SLC38A1: variants seen among roughly 807,000 people sequenced by gnomAD.
SLC38A1 encodes solute carrier family 38 member 1.
A neutral mutation model predicts 60.3 loss-of-function variants in SLC38A1; 18 were observed. That is an observed-to-expected ratio of 0.30 (90% confidence interval 0.21 to 0.44). SLC38A1 has a LOEUF of 0.44. Ranked by LOEUF, SLC38A1 falls within the 20% of genes least tolerant of loss-of-function variation. SLC38A1 has a pLI of 1.00. For missense variants in SLC38A1, 448 were observed against 587.2 expected (o/e 0.76, Z 2.45); for synonymous variants, 196 against 212.1 (o/e 0.92, Z 0.66).
intron 1 of SLC38A1, among the ~76,000 whole-genome samples, chr12:46,250,634 G>T (rs1392018993): frequency 6.6e-6 from 1 of 152,132 alleles, no homozygotes; most frequent in Non-Finnish European, 1.5e-5. Context: ...AGCAACTTCA[G>T]CAAAGTATCA....
chr12:46,260,441 T>C (rs1942162265), intron 1 of SLC38A1, among the ~76,000 whole-genome samples: 1 of 152,240 alleles, frequency 6.6e-6, no homozygotes. Flanking sequence ...TACAACTTGA[T>C]CATGATCATG....
At chr12:46,252,296 T>C (rs1021300368) in intron 1 of SLC38A1, among the ~76,000 whole-genome samples, 1 of 151,966 alleles carries the variant, frequency 6.6e-6, no homozygotes, top group African/African-American at 2.4e-5. Context: ...ATGAGAACAG[T>C]TGGACACAGG....
intron 1 of SLC38A1, among the ~76,000 whole-genome samples, chr12:46,249,536 A>G (rs1174006659): frequency 2.0e-5 from 3 of 152,226 alleles, no homozygotes; most frequent in Admixed American, 6.5e-5. Flanking sequence ...CAAAAAATCA[A>G]TGAATCCTGG....
At chr12:46,242,746 G>A (rs545866889) in intron 2 of SLC38A1, among the ~76,000 whole-genome samples, 2 of 152,316 alleles carry the variant, frequency 1.3e-5, no homozygotes, top group South Asian at 2.1e-4. Flanking sequence ...AAGCTCCACT[G>A]AAATGTGATC....
Position 46,185,185 on chromosome 12 carries a change from C to T in SLC38A1, c.*3785G>A, listed in dbSNP as rs1938892814. 6.6e-6 allele frequency: 1 copy of T among 152,268 alleles called. No individual in the cohort carries two copies. The highest frequency in any genetic ancestry group is 1.5e-5 in the Non-Finnish European group (1 of 68,102). 9.4% of individuals were successfully genotyped at this position (152,268 alleles called of 1,614,324 possible). A position where few individuals can be genotyped will look rare whatever the true frequency, so the allele number is the denominator to read the frequency against. ...TGAGTCCCTCCCTGAGAGCTTCTGA[C>T]TTCACCATGTCTGGGAGGGGGCTGA... On this transcript the variant is annotated 3_prime_UTR_variant, in exon 17 of 17. Coordinates refer to ENST00000398637, the MANE Select transcript of SLC38A1 (RefSeq NM_030674.4).
chr12:46,198,742 G>T lies in SLC38A1; in HGVS notation c.1005C>A (p.Asp335Glu). 6.3e-7 allele frequency: 1 copy of T among 1,591,332 alleles called. No homozygotes were observed. The highest frequency in any genetic ancestry group is 1.7e-4 in the Middle Eastern group (1 of 5,990). Reference sequence around the variant, plus strand: ...TGTGAAGGAGGTCGGACTGCACGTTGTCTAAAATGAGGGAAAAGCAAGAGG... The same window carrying T: ...TGTGAAGGAGGTCGGACTGCACGTTTTCTAAAATGAGGGAAAAGCAAGAGG... Reference protein sequence around the residue: ...TAIFGYLTFYDNVQSDLLHKY... With the variant: ...TAIFGYLTFYENVQSDLLHKY... The change falls in exon 14 of 17, where the codon GAC (aspartate) becomes GAA (glutamate). Residue 335 changes from aspartate to glutamate, a missense_variant and splice_region_variant. By Grantham distance (45) the Asp-to-Glu change is conservative. Around this residue, in one of 2 missense-constraint regions of SLC38A1, gnomAD observed 346 missense variants for 497.5 expected, o/e 0.70. Coordinates refer to ENST00000398637, the MANE Select transcript of SLC38A1 (RefSeq NM_030674.4).
intron 7 of SLC38A1, 95 bp downstream of exon 7, chr12:46,207,434 G>T: frequency 1.6e-6 from 2 of 1,252,222 alleles, no homozygotes; most frequent in Non-Finnish European, 2.3e-6. Context: ...TTAGCAATGA[G>T]GATGATAACT....
chr12:46,220,290 G>A (rs1331735144), intron 5 of SLC38A1, among the ~76,000 whole-genome samples: 1 of 152,046 alleles, frequency 6.6e-6, no homozygotes. Flanking sequence ...TCCCTCTCCC[G>A]GGTTATTACT....
At chr12:46,190,696 G>A (rs1255587907) in intron 16 of SLC38A1, among the ~76,000 whole-genome samples, 1 of 152,178 alleles carries the variant, frequency 6.6e-6, no homozygotes, top group African/African-American at 2.4e-5. Context: ...GTGATGATGA[G>A]CATTTTTTCA....
intron 1 of SLC38A1, among the ~76,000 whole-genome samples, chr12:46,252,393 G>C (rs1043092976): frequency 6.6e-6 from 1 of 151,942 alleles, no homozygotes; most frequent in African/African-American, 2.4e-5. Flanking sequence ...TGTAAATGAC[G>C]AATTAATGGG....
chr12:46,243,792 G>A (rs1032136826), intron 1 of SLC38A1, among the ~76,000 whole-genome samples: 2 of 152,180 alleles, frequency 1.3e-5, no homozygotes, highest in East Asian at 1.9e-4. Flanking sequence ...AATAGGTTAC[G>A]AATTACAATT....
At chr12:46,223,537 G>A (rs1051329931) in intron 5 of SLC38A1, among the ~76,000 whole-genome samples, 2 of 151,546 alleles carry the variant, frequency 1.3e-5, no homozygotes, top group African/African-American at 4.9e-5. Context: ...AAGTCTCCTT[G>A]CATGCCACTT....
Position 46,188,833 on chromosome 12 carries a change from A to T in SLC38A1, c.*137T>A. ...AGAACCATGTCTCTGTTTTGCAACC[A>T]AAAAGTTATTCCATTTTAAGTATCC... On this transcript the variant is annotated 3_prime_UTR_variant, in exon 17 of 17. Coordinates refer to ENST00000398637, the MANE Select transcript of SLC38A1 (RefSeq NM_030674.4). 1.5e-6 allele frequency: 1 copy of T among 673,030 alleles called. No individual in the cohort carries two copies. Among genetic ancestry groups the T allele is most frequent in the Non-Finnish European group, 2.5e-6 (1 of 399,986 alleles). 41.7% of individuals were successfully genotyped at this position (673,030 alleles called of 1,614,324 possible).
intron 1 of SLC38A1, among the ~76,000 whole-genome samples, chr12:46,245,041 T>C (rs1369984080): frequency 6.6e-6 from 1 of 152,228 alleles, no homozygotes; most frequent in Non-Finnish European, 1.5e-5. Flanking sequence ...AGCAGGTCCT[T>C]GATAACATAT....
At chr12:46,247,214 G>A (rs962575142) in intron 1 of SLC38A1, among the ~76,000 whole-genome samples, 3 of 152,154 alleles carry the variant, frequency 2.0e-5, no homozygotes, top group South Asian at 2.1e-4. Context: ...GGCTTCAGAA[G>A]GTCGGTAATA....
intron 13 of SLC38A1, 45 bp downstream of exon 13, chr12:46,201,053 T>C (rs1251986005): frequency 1.5e-6 from 2 of 1,337,866 alleles, no homozygotes; most frequent in Non-Finnish European, 2.1e-6. Flanking sequence ...TTTTACTAAT[T>C]TGTTTACAAA....
chr12:46,196,582 G>A (rs1939389367), intron 16 of SLC38A1, among the ~76,000 whole-genome samples: 1 of 152,138 alleles, frequency 6.6e-6, no homozygotes. Flanking sequence ...GGGAATTAAG[G>A]CTTCAGGGGT....
At chr12:46,229,909 T>G (rs895004063) in intron 3 of SLC38A1, among the ~76,000 whole-genome samples, 1 of 152,174 alleles carries the variant, frequency 6.6e-6, no homozygotes, top group Admixed American at 6.5e-5. Flanking sequence ...CACTCTACCT[T>G]GTACAAAACA....
chr12:46,244,317 C>T (rs1431661182), intron 1 of SLC38A1, among the ~76,000 whole-genome samples: 1 of 152,140 alleles, frequency 6.6e-6, no homozygotes, highest in Admixed American at 6.5e-5. Flanking sequence ...TTCCTTGTAC[C>T]AAGGACAGTA....
Sources: gnomAD v4.1 joint callset for allele counts (sites outside exome capture counted in the v4.1 genomes callset) on GRCh38, gnomAD v4.1.1 for gene constraint, gnomAD v4.1.1 regional missense constraint, MANE v1.5 for transcripts, NCBI Gene and HGNC (gene_info 2026-07-23, HGNC 2026-07-21) for gene names.